TLK1: variants seen among roughly 807,000 people sequenced by gnomAD.
The protein encoded by TLK1 is serine/threonine-protein kinase tousled-like 1.
Under a neutral mutation model 105.3 loss-of-function variants are expected in TLK1, and 24 were observed. That is an observed-to-expected ratio of 0.23 (90% CI 0.17 to 0.32). TLK1 has a LOEUF of 0.32. TLK1 is among the 10% of genes least tolerant of loss of function. The pLI, the probability that TLK1 is intolerant of heterozygous loss-of-function variation, is 1.00. For synonymous variants in TLK1, 321 were observed against 310.4 expected, an observed-to-expected ratio of 1.03 and a Z score of -0.36; for missense variants, 558 against 910.5, an observed-to-expected ratio of 0.61 and a Z score of 4.98.
chr2:171,137,890 A>T (rs938145890), intron 1 of TLK1, among the ~76,000 whole-genome samples: 3 of 152,050 alleles, frequency 2.0e-5, no homozygotes, highest in African/African-American at 7.2e-5. Context: ...AAATAAAAAA[A>T]AAACTTTCAT....
At chr2:171,200,802 T>C (rs1168396601) in intron 1 of TLK1, among the ~76,000 whole-genome samples, 1 of 152,178 alleles carries the variant, frequency 6.6e-6, no homozygotes, top group East Asian at 1.9e-4. Flanking sequence ...CAGATTTTAG[T>C]TTGTATTATT....
intron 1 of TLK1, among the ~76,000 whole-genome samples, chr2:171,223,672 G>A (rs1473686177): frequency 6.6e-6 from 1 of 151,862 alleles, no homozygotes; most frequent in East Asian, 1.9e-4. Flanking sequence ...TAGAGATGGG[G>A]TTTTGCCATG....
chr2:171,148,267 G>T (rs1020247343), intron 1 of TLK1, among the ~76,000 whole-genome samples: 5 of 152,072 alleles, frequency 3.3e-5, no homozygotes, highest in Admixed American at 3.3e-4. Flanking sequence ...GTTCTTATTA[G>T]TACCAAGGAG....
chr2:171,032,839 C>G (rs933916244), intron 11 of TLK1, among the ~76,000 whole-genome samples: 5 of 152,060 alleles, frequency 3.3e-5, no homozygotes, highest in South Asian at 2.1e-4. Flanking sequence ...AAGTAGGACC[C>G]CTACCTCACT....
chr2:171,028,100 T>C (rs568232761), intron 12 of TLK1, among the ~76,000 whole-genome samples: 8 of 152,188 alleles, frequency 5.3e-5, no homozygotes, highest in East Asian at 3.9e-4. Context: ...GAGGTGGAGG[T>C]TGCACTGAGC....
chr2:171,076,220 A>G (rs6433280), intron 3 of TLK1, among the ~76,000 whole-genome samples: 141,744 of 150,738 alleles, frequency 0.94, 67,238 homozygotes, highest in East Asian at 1. Context: ...TCCATCTCGG[A>G]GGGCGGGGGG....
chr2:171,028,224 A>C (rs1287925392), intron 12 of TLK1, 115 bp downstream of exon 12: 3 of 716,550 alleles, frequency 4.2e-6, no homozygotes, highest in Non-Finnish European at 7.3e-6. Context: ...TGAAATTTTT[A>C]ATTTGAAATC....
intron 1 of TLK1, among the ~76,000 whole-genome samples, chr2:171,154,995 A>C (rs904522478): frequency 4.1e-4 from 62 of 152,352 alleles, no homozygotes; most frequent in African/African-American, 1.5e-3. Flanking sequence ...GTTATAAGTA[A>C]TGATACATAT....
chr2:171,026,547 G>A (rs544505285), intron 12 of TLK1, among the ~76,000 whole-genome samples: 1 of 152,194 alleles, frequency 6.6e-6, no homozygotes, highest in African/African-American at 2.4e-5. Context: ...AGAGTAATCT[G>A]AAATTTGGTA....
chr2:171,114,501 T>G (rs183068903), intron 2 of TLK1, among the ~76,000 whole-genome samples: 1 of 152,232 alleles, frequency 6.6e-6, no homozygotes, highest in African/African-American at 2.4e-5. Flanking sequence ...GCTTTGAAAC[T>G]GGAGGAATAG....
At chr2:171,033,891 T>A (rs534099616) in intron 11 of TLK1, among the ~76,000 whole-genome samples, 6,842 of 134,394 alleles carry the variant, frequency 0.051, 439 homozygotes, top group African/African-American at 0.15. Flanking sequence ...TCCAGATTTT[T>A]TAAAAAAAAA....
At chr2:171,156,669 C>T (rs1470217022) in intron 1 of TLK1, among the ~76,000 whole-genome samples, 1 of 152,218 alleles carries the variant, frequency 6.6e-6, no homozygotes, top group Non-Finnish European at 1.5e-5. Context: ...TGTCCTCCTC[C>T]AGCTAGTGAT....
intron 2 of TLK1, among the ~76,000 whole-genome samples, chr2:171,099,795 T>C (rs1018995076): frequency 1.3e-5 from 2 of 152,230 alleles, no homozygotes; most frequent in African/African-American, 4.8e-5. Flanking sequence ...GACAACTGAA[T>C]AGTCCAACGC....
intron 1 of TLK1, among the ~76,000 whole-genome samples, chr2:171,214,114 GA>G (rs1304329420): frequency 6.6e-6 from 1 of 151,862 alleles, no homozygotes; most frequent in East Asian, 2.0e-4. Flanking sequence ...GCTGAGGAAG[GA>G]AGATTGCTTG....
chr2:171,068,721 T>C (rs913684981), intron 3 of TLK1, among the ~76,000 whole-genome samples: 1 of 152,192 alleles, frequency 6.6e-6, no homozygotes, highest in Admixed American at 6.5e-5. Flanking sequence ...TAGTACGTTG[T>C]ATAGTTCCCA....
intron 2 of TLK1, among the ~76,000 whole-genome samples, chr2:171,087,029 C>T (rs1315457823): frequency 6.6e-6 from 1 of 152,186 alleles, no homozygotes; most frequent in Non-Finnish European, 1.5e-5. Flanking sequence ...GCTTAAATTT[C>T]AGTCTAGCCA....
intron 2 of TLK1, among the ~76,000 whole-genome samples, chr2:171,116,025 TAAAAATAC>T (rs1197046439): frequency 6.6e-6 from 1 of 152,192 alleles, no homozygotes; most frequent in Non-Finnish European, 1.5e-5. Flanking sequence ...CTTATAAATA[TAAAAATAC>T]AAAAAGGTCT....
intron 7 of TLK1, 160 bp downstream of exon 7, chr2:171,054,923 C>A (rs2105437171): frequency 2.5e-6 from 1 of 406,332 alleles, no homozygotes; most frequent in African/African-American, 2.1e-5. Flanking sequence ...TTTCTCACTC[C>A]TTCCTACAAA....
At chr2:171,174,954 C>T (rs73017262) in intron 1 of TLK1, among the ~76,000 whole-genome samples, 15,520 of 152,096 alleles carry the variant, frequency 0.1, 1,180 homozygotes, top group African/African-American at 0.21. Context: ...TCAGTAAGTA[C>T]AATCAAGGCT....
Sources: allele counts gnomAD v4.1 joint callset (sites outside exome capture counted in the v4.1 genomes callset), GRCh38; gene constraint gnomAD v4.1.1; transcripts MANE v1.5; gene names NCBI Gene and HGNC (gene_info 2026-07-23, HGNC 2026-07-21).